Variants in GRID2 observed in about 807,000 individuals in gnomAD.
GRID2 encodes glutamate ionotropic receptor delta type subunit 2.
GRID2 carries 33 observed loss-of-function variants against 114.8 expected under a neutral mutation model. The ratio of observed to expected loss-of-function variants is 0.29; its 90% CI spans 0.22 to 0.38. GRID2 has a LOEUF of 0.38. Among genes scored for constraint, GRID2 ranks in the 10% least tolerant of loss-of-function variants. The pLI is 1.00. For synonymous variants in GRID2, 505 were observed against 449.9 expected, an observed-to-expected ratio of 1.12 and a Z score of -1.55; for missense variants, 1,184 against 1,257.7, an observed-to-expected ratio of 0.94 and a Z score of 0.89.
At chr4:93,423,472 C>G (rs1369138526) in intron 10 of GRID2, among the ~76,000 whole-genome samples, 1 of 149,872 alleles carries the variant, frequency 6.7e-6, no homozygotes, top group Non-Finnish European at 1.5e-5. Flanking sequence ...CTCAGCCTCC[C>G]GAGTAGCTGG....
chr4:93,191,093 G>C (rs1190083811), intron 4 of GRID2, among the ~76,000 whole-genome samples: 1 of 151,984 alleles, frequency 6.6e-6, no homozygotes, highest in Non-Finnish European at 1.5e-5. Flanking sequence ...ATTTTTAATA[G>C]TGTACATGCA....
At chr4:93,630,118 A>G (rs1012892179) in intron 14 of GRID2, among the ~76,000 whole-genome samples, 4 of 152,232 alleles carry the variant, frequency 2.6e-5, no homozygotes, top group Non-Finnish European at 5.9e-5. Flanking sequence ...AGAAATGGCT[A>G]GAAGAGTTTT....
At chr4:92,314,077 T>A (rs192983481) in intron 1 of GRID2, among the ~76,000 whole-genome samples, 236 of 152,254 alleles carry the variant, frequency 1.6e-3, no homozygotes, top group Non-Finnish European at 2.8e-3. Flanking sequence ...AACGTTCAAA[T>A]AGAAAGGAAA....
chr4:93,533,537 CTTT>C (rs34014956), intron 13 of GRID2, among the ~76,000 whole-genome samples: 94 of 86,510 alleles, frequency 1.1e-3, no homozygotes, highest in South Asian at 9.5e-4. Context: ...CCACACCCAG[CTTT>C]TTTTTTTTTT....
At chr4:92,518,836 A>G (rs533504152) in intron 1 of GRID2, among the ~76,000 whole-genome samples, 31 of 152,038 alleles carry the variant, frequency 2.0e-4, no homozygotes, top group African/African-American at 6.7e-4. Flanking sequence ...AAAATAGACA[A>G]GCTGTACCAT....
intron 2 of GRID2, among the ~76,000 whole-genome samples, chr4:92,662,614 G>T (rs142427571): frequency 6.6e-6 from 1 of 151,264 alleles, no homozygotes; most frequent in East Asian, 1.9e-4. Context: ...AAACTTTGAA[G>T]TGAATTATTG....
At chr4:93,419,074 CTTTTTT>C (rs58832079) in intron 9 of GRID2, among the ~76,000 whole-genome samples, 46,827 of 109,614 alleles carry the variant, frequency 0.43, 8,943 homozygotes, top group East Asian at 0.66. Context: ...CATGATTTTC[CTTTTTT>C]TTTTTTTTTT....
At chr4:92,757,124 G>A (rs1447965031) in intron 2 of GRID2, among the ~76,000 whole-genome samples, 2 of 151,996 alleles carry the variant, frequency 1.3e-5, no homozygotes, top group African/African-American at 4.8e-5. Context: ...GTGGATTATT[G>A]TATTTGCTGA....
Position 92,949,424 on chromosome 4 carries a change from T to G in GRID2, c.245-135571T>G, listed in dbSNP as rs139699311. On this transcript the variant is annotated intron_variant, in intron 2 of 15. Coordinates refer to ENST00000282020, the MANE Select transcript of GRID2 (RefSeq NM_001510.4). Reference sequence around the variant, plus strand: ...GTGCTGCACCCAGTAACTCATCGTTTAACATTAGGCATATCTCCAAAATGG... The same window carrying G: ...GTGCTGCACCCAGTAACTCATCGTTGAACATTAGGCATATCTCCAAAATGG... 4.8e-4 allele frequency among the ~76,000 whole-genome samples: 73 copies of G among 152,172 alleles called. No individual in the cohort carries two copies. In the East Asian group the frequency reaches 0.013, roughly 28 times the overall value.
At chr4:93,289,636 CAAATATACAATGAATATAAGTTGTAAT>C in intron 8 of GRID2, among the ~76,000 whole-genome samples, 1 of 152,218 alleles carries the variant, frequency 6.6e-6, no homozygotes, top group Non-Finnish European at 1.5e-5. Flanking sequence ...TGTTTATATG[CAAATATACAATGAATATAAGTTGTAAT>C]ATTGATTTAA....
intron 1 of GRID2, among the ~76,000 whole-genome samples, chr4:92,479,892 C>T (rs1178703744): frequency 6.6e-6 from 1 of 152,020 alleles, no homozygotes; most frequent in East Asian, 1.9e-4. Flanking sequence ...GGAGTGAGTA[C>T]ATAGAATATT....
chr4:93,756,378 A>G (rs1013666433), intron 14 of GRID2, among the ~76,000 whole-genome samples: 1 of 152,192 alleles, frequency 6.6e-6, no homozygotes, highest in Non-Finnish European at 1.5e-5. Flanking sequence ...CAGGCTTTCC[A>G]AACAAAATGC....
chr4:93,546,167 A>G (rs1733189632), intron 13 of GRID2, among the ~76,000 whole-genome samples: 1 of 152,222 alleles, frequency 6.6e-6, no homozygotes, highest in Non-Finnish European at 1.5e-5. Flanking sequence ...CTAGGTTCTA[A>G]TTGACATGGG....
At chr4:93,193,461 C>T (rs1227321817) in intron 4 of GRID2, among the ~76,000 whole-genome samples, 1 of 152,094 alleles carries the variant, frequency 6.6e-6, no homozygotes, top group Admixed American at 6.6e-5. Context: ...TTTATAGGGG[C>T]TTTTGCCCCT....
At chr4:92,808,298 A>C (rs1740512272) in intron 2 of GRID2, among the ~76,000 whole-genome samples, 1 of 152,008 alleles carries the variant, frequency 6.6e-6, no homozygotes, top group Admixed American at 6.6e-5. Context: ...ATTCGTGTTG[A>C]GGTAAGCCAC....
chr4:92,445,628 C>G (rs945263959), intron 1 of GRID2, among the ~76,000 whole-genome samples: 4 of 152,192 alleles, frequency 2.6e-5, no homozygotes, highest in African/African-American at 7.2e-5. Flanking sequence ...ACCCATGAAA[C>G]AAGTAGAGCA....
intron 2 of GRID2, among the ~76,000 whole-genome samples, chr4:93,017,175 G>A (rs1175832433): frequency 1.3e-5 from 2 of 151,868 alleles, no homozygotes; most frequent in Non-Finnish European, 2.9e-5. Flanking sequence ...AAAAAATTTG[G>A]GCAAAACCAA....
At chr4:93,612,636 G>A (rs1741076505) in intron 13 of GRID2, among the ~76,000 whole-genome samples, 1 of 99,092 alleles carries the variant, frequency 1.0e-5, no homozygotes, top group African/African-American at 4.0e-5. Flanking sequence ...GTTGAATATT[G>A]GCCCCCACTC....
intron 9 of GRID2, among the ~76,000 whole-genome samples, chr4:93,412,234 C>CT: frequency 6.6e-6 from 1 of 150,692 alleles, no homozygotes; most frequent in African/African-American, 2.4e-5. Flanking sequence ...ACCCATCCCC[C>CT]CCCCCCAAAA....
Sources: gnomAD v4.1 joint callset for allele counts (sites outside exome capture counted in the v4.1 genomes callset) on GRCh38, gnomAD v4.1.1 for gene constraint, MANE v1.5 for transcripts, NCBI Gene and HGNC (gene_info 2026-07-23, HGNC 2026-07-21) for gene names.